CSNK1G1: variants seen among roughly 807,000 people sequenced by gnomAD.
CSNK1G1 encodes casein kinase 1 gamma 1.
In CSNK1G1, 22 loss-of-function variants were observed where a neutral mutation model predicts 59.6. The ratio of observed to expected loss-of-function variants is 0.37; its 90% CI spans 0.26 to 0.53. The LOEUF (loss-of-function observed/expected upper bound fraction) is 0.53. Among genes scored for constraint, CSNK1G1 ranks in the 20% least tolerant of loss-of-function variants. The pLI is 0.89. For synonymous variants in CSNK1G1, 179 were observed against 177.1 expected, an observed-to-expected ratio of 1.01 and a Z score of -0.08; for missense variants, 384 against 519.5, an observed-to-expected ratio of 0.74 and a Z score of 2.54.
intron 6 of CSNK1G1, among the ~76,000 whole-genome samples, chr15:64,212,520 G>A (rs938760181): frequency 1.3e-4 from 19 of 151,980 alleles, no homozygotes; most frequent in African/African-American, 4.6e-4. Context: ...TTTGAGACCC[G>A]CCTGGGGAAC....
intron 9 of CSNK1G1, 29 bp downstream of exon 9, chr15:64,204,412 T>TAAAA (rs75931046): frequency 4.3e-6 from 6 of 1,397,882 alleles, no homozygotes; most frequent in Admixed American, 2.6e-5. Context: ...GTAATGAGGT[T>TAAAA]AAAAAAAAAA....
intron 1 of CSNK1G1, among the ~76,000 whole-genome samples, chr15:64,319,206 A>C (rs1032445788): frequency 3.9e-5 from 6 of 152,108 alleles, no homozygotes; most frequent in African/African-American, 1.4e-4. Context: ...ACTTTGGACA[A>C]ATGTTTCTAA....
chr15:64,284,726 G>A (rs1165398580), intron 2 of CSNK1G1, among the ~76,000 whole-genome samples: 1 of 151,748 alleles, frequency 6.6e-6, no homozygotes, highest in Admixed American at 6.6e-5. Context: ...ATGTCTACTA[G>A]GGAACTATTT....
chr15:64,351,551 T>C (rs964128294), intron 1 of CSNK1G1, among the ~76,000 whole-genome samples: 1 of 152,190 alleles, frequency 6.6e-6, no homozygotes, highest in African/African-American at 2.4e-5. Flanking sequence ...TTTTTTACTC[T>C]AGCAGCTAGT....
chr15:64,327,106 C>T lies in CSNK1G1; in HGVS notation c.-224-26383G>A, dbSNP rs1471547144. ...GCAGCGAGGCTGGGGGAGGGGCGCC[C>T]GCCATTGCCCAGGCTTGCTTAGGTA... On this transcript the variant is annotated intron_variant, in intron 1 of 11. Coordinates refer to ENST00000303052, the MANE Select transcript of CSNK1G1 (RefSeq NM_022048.5). 1.9e-3 allele frequency among the ~76,000 whole-genome samples: 296 copies of T among 152,108 alleles called. 4 individuals are homozygous for T. Among genetic ancestry groups the T allele is most frequent in the Admixed American group, 0.016 (237 of 15,276 alleles).
At chr15:64,179,132 T>C (rs1445453260) in intron 11 of CSNK1G1, among the ~76,000 whole-genome samples, 1 of 140,930 alleles carries the variant, frequency 7.1e-6, no homozygotes, top group Non-Finnish European at 1.5e-5. Flanking sequence ...TGTAATTTCA[T>C]GACTTTGGGA....
At chr15:64,207,949 T>C (rs1388216) in intron 6 of CSNK1G1, among the ~76,000 whole-genome samples, 29,563 of 152,134 alleles carry the variant, frequency 0.19, 3,994 homozygotes, top group African/African-American at 0.39. Context: ...TACAATTACC[T>C]TTTAGTTACC....
At chr15:64,251,605 T>G (rs1312392314) in intron 3 of CSNK1G1, 24 bp from the exon 4 acceptor site, 6 of 1,552,754 alleles carry the variant, frequency 3.9e-6, no homozygotes, top group Non-Finnish European at 5.3e-6. Flanking sequence ...AGAAAAACTG[T>G]GATCAGATTT....
In CSNK1G1 at chr15:64,170,264, A is replaced by G. The variant is rs3743110; in HGVS notation, c.*1667T>C. 0.074 allele frequency: 11,331 copies of G among 152,316 alleles called. 494 individuals are homozygous for G. The highest frequency in any genetic ancestry group is 0.13 in the African/African-American group (5,447 of 41,558). 9.4% of individuals were successfully genotyped at this position (152,316 alleles called of 1,614,324 possible). A position where few individuals can be genotyped will look rare whatever the true frequency, so the allele number is the denominator to read the frequency against. ...AATGAGGAACCAGATCCTTCACAGT[A>G]GTACCTCATATGAAAACACCATGGG... is the stretch of plus-strand genomic sequence containing the variant. On this transcript the variant is annotated 3_prime_UTR_variant, in exon 12 of 12. Transcript: ENST00000303052.
chr15:64,308,329 G>A (rs1239029913), intron 1 of CSNK1G1, among the ~76,000 whole-genome samples: 1 of 152,034 alleles, frequency 6.6e-6, no homozygotes, highest in Non-Finnish European at 1.5e-5. Context: ...AAACTCCTGG[G>A]TTCAAGAGAT....
chr15:64,298,503 G>A (rs1409684554), intron 2 of CSNK1G1, among the ~76,000 whole-genome samples: 1 of 152,102 alleles, frequency 6.6e-6, no homozygotes, highest in African/African-American at 2.4e-5. Context: ...CGTATTGTAA[G>A]TAGCATCTGC....
intron 2 of CSNK1G1, among the ~76,000 whole-genome samples, chr15:64,267,644 A>G (rs1204424574): frequency 6.6e-6 from 1 of 152,206 alleles, no homozygotes; most frequent in East Asian, 1.9e-4. Context: ...GGCAATTATC[A>G]AAAAAACAAA....
intron 1 of CSNK1G1, among the ~76,000 whole-genome samples, chr15:64,340,367 GA>G (rs1411426649): frequency 2.0e-5 from 3 of 152,118 alleles, no homozygotes; most frequent in Non-Finnish European, 4.4e-5. Context: ...CTGCTGGCAG[GA>G]AGTATTGTTT....
At chr15:64,329,185 C>T (rs1896995793) in intron 1 of CSNK1G1, among the ~76,000 whole-genome samples, 1 of 152,094 alleles carries the variant, frequency 6.6e-6, no homozygotes, top group East Asian at 1.9e-4. Flanking sequence ...TAACAGACAT[C>T]TACAGAACTC....
chr15:64,179,731 G>A (rs2081786701), intron 11 of CSNK1G1, among the ~76,000 whole-genome samples: 1 of 152,210 alleles, frequency 6.6e-6, no homozygotes, highest in Admixed American at 6.5e-5. Context: ...CAAGGGGCTG[G>A]TGGTATGGGT....
At chr15:64,278,412 GTGTGTGTATA>G (rs1400686735) in intron 2 of CSNK1G1, among the ~76,000 whole-genome samples, 95 of 110,408 alleles carry the variant, frequency 8.6e-4, no homozygotes, top group African/African-American at 4.0e-3. Flanking sequence ...GTGTGTGTGT[GTGTGTGTATA>G]TATATATATA....
At chr15:64,321,920 C>A (rs1303286619) in intron 1 of CSNK1G1, among the ~76,000 whole-genome samples, 1 of 152,198 alleles carries the variant, frequency 6.6e-6, no homozygotes, top group Non-Finnish European at 1.5e-5. Context: ...ACTGATAAAC[C>A]ACAGAAGGCA....
chr15:64,278,941 A>T (rs538824842), intron 2 of CSNK1G1, among the ~76,000 whole-genome samples: 1 of 152,228 alleles, frequency 6.6e-6, no homozygotes, highest in East Asian at 1.9e-4. Context: ...TTATTTGGAC[A>T]ATTTCCTAAA....
chr15:64,274,762 T>C (rs1893513396), intron 2 of CSNK1G1, among the ~76,000 whole-genome samples: 1 of 152,182 alleles, frequency 6.6e-6, no homozygotes, highest in South Asian at 2.1e-4. Flanking sequence ...CATCAGACAC[T>C]GCATTATTTC....
Sources: allele counts gnomAD v4.1 joint callset (sites outside exome capture counted in the v4.1 genomes callset), GRCh38; gene constraint gnomAD v4.1.1; transcripts MANE v1.5; gene names NCBI Gene and HGNC (gene_info 2026-07-23, HGNC 2026-07-21).